TCF12: variants seen among roughly 807,000 people sequenced by gnomAD.
TCF12 encodes the protein transcription factor 12, also known as DNA-binding protein HTF4.
TCF12 carries 45 observed loss-of-function variants against 86.0 expected under a neutral mutation model. That is an observed-to-expected ratio of 0.52 (90% CI 0.41 to 0.67). TCF12 has a LOEUF of 0.67. Among genes scored for constraint, TCF12 ranks in the 30% least tolerant of loss-of-function variants. The pLI, the probability that TCF12 is intolerant of heterozygous loss-of-function variation, is 0.00. For missense variants in TCF12, 881 were observed against 859.9 expected (o/e 1.02, Z -0.31); for synonymous variants, 330 against 299.6 (o/e 1.10, Z -1.05).
intron 5 of TCF12, among the ~76,000 whole-genome samples, chr15:57,136,958 GTTTTTTTTTTTGTTTTT>G (rs532193074): frequency 0.23 from 18,292 of 80,854 alleles, 2,911 homozygotes; most frequent in Admixed American, 0.4. Flanking sequence ...GCTTCTGGCA[GTTTTTTTTTTTGTTTTT>G]TTTTTTTTTT....
chr15:56,924,975 G>A (rs1036385478), intron 3 of TCF12, among the ~76,000 whole-genome samples: 4 of 152,152 alleles, frequency 2.6e-5, no homozygotes, highest in Non-Finnish European at 5.9e-5. Flanking sequence ...GAGGTGGGTG[G>A]ATCACATGAG....
intron 19 of TCF12, 30 bp downstream of exon 19, chr15:57,273,292 G>T: frequency 1.9e-6 from 3 of 1,603,190 alleles, no homozygotes; most frequent in Non-Finnish European, 2.6e-6. Flanking sequence ...ATGTATAACT[G>T]TTCTGCTTCA....
chr15:57,251,817 G>T (rs1325446881), intron 14 of TCF12, among the ~76,000 whole-genome samples: 1 of 152,136 alleles, frequency 6.6e-6, no homozygotes, highest in African/African-American at 2.4e-5. Context: ...TCATAATACT[G>T]TGTGTGGTTT....
intron 3 of TCF12, among the ~76,000 whole-genome samples, chr15:57,051,300 T>C (rs1455167165): frequency 6.6e-6 from 1 of 152,196 alleles, no homozygotes; most frequent in African/African-American, 2.4e-5. Context: ...TGCTTTTAGT[T>C]GGGATTCTTG....
intron 5 of TCF12, among the ~76,000 whole-genome samples, chr15:57,153,228 A>T (rs371392848): frequency 1.1e-4 from 16 of 152,214 alleles, no homozygotes; most frequent in Admixed American, 1.0e-3. Flanking sequence ...AGAAACTTGG[A>T]TCTGCACCAA....
chr15:56,936,657 A>G (rs972286958), intron 3 of TCF12, among the ~76,000 whole-genome samples: 11 of 152,164 alleles, frequency 7.2e-5, no homozygotes, highest in South Asian at 2.1e-4. Context: ...ATTTTTGTAT[A>G]AGGTATGAGA....
intron 3 of TCF12, among the ~76,000 whole-genome samples, chr15:56,942,836 T>C (rs1174133311): frequency 2.6e-5 from 4 of 152,198 alleles, no homozygotes; most frequent in African/African-American, 9.6e-5. Context: ...TATGAACGTA[T>C]TATTTGCAGA....
At chr15:57,033,815 A>T (rs1208398637) in intron 3 of TCF12, among the ~76,000 whole-genome samples, 1 of 152,212 alleles carries the variant, frequency 6.6e-6, no homozygotes, top group Non-Finnish European at 1.5e-5. Flanking sequence ...GGGATTATAC[A>T]GGTCCAAAAG....
chr15:57,271,747 T>G (rs1050332785), intron 18 of TCF12, among the ~76,000 whole-genome samples: 41 of 152,352 alleles, frequency 2.7e-4, no homozygotes, highest in African/African-American at 9.6e-4. Context: ...GCAATGTATT[T>G]TTTTTAAGTA....
chr15:57,250,683 T>G (rs1837977434), intron 13 of TCF12, among the ~76,000 whole-genome samples: 1 of 150,224 alleles, frequency 6.7e-6, no homozygotes, highest in South Asian at 2.1e-4. Flanking sequence ...GAGTCAAGAT[T>G]GTACCAGTGC....
intron 16 of TCF12, among the ~76,000 whole-genome samples, chr15:57,259,123 T>A (rs978234706): frequency 6.6e-6 from 1 of 152,182 alleles, no homozygotes; most frequent in Non-Finnish European, 1.5e-5. Flanking sequence ...AGTGCTTTTT[T>A]AAGGGTTTTG....
intron 8 of TCF12, among the ~76,000 whole-genome samples, chr15:57,221,393 T>TGTGC (rs1307887461): frequency 6.6e-6 from 1 of 151,314 alleles, no homozygotes. Flanking sequence ...GGTGTGTGTG[T>TGTGC]GTGTGTGTGT....
chr15:57,157,737 ATT>A (rs1321103860), intron 5 of TCF12, among the ~76,000 whole-genome samples: 1 of 151,514 alleles, frequency 6.6e-6, no homozygotes, highest in Non-Finnish European at 1.5e-5. Flanking sequence ...TAATTTTTGT[ATT>A]TTTAGTAGAG....
chr15:56,989,217 C>A (rs927670925), intron 3 of TCF12, among the ~76,000 whole-genome samples: 12 of 152,042 alleles, frequency 7.9e-5, no homozygotes, highest in African/African-American at 2.9e-4. Flanking sequence ...ATTTTAAGTC[C>A]TGCAAGCAGA....
chr15:57,263,040 T>TTTTA lies in TCF12; in HGVS notation c.1583-69_1583-66dup, dbSNP rs141570247. ...AAGGATATTCACCAGCTAGAAAGCTTTTTATTGTCTTAGCTGTAATTCATA... is the reference window on the plus strand; with the variant it reads ...AAGGATATTCACCAGCTAGAAAGCTTTTTATTTATTGTCTTAGCTGTAATTCATA... On this transcript the variant is annotated intron_variant, in intron 17 of 20. Transcript: ENST00000333725. The TTTTA allele has an allele frequency of 0.012, 18,366 of 1,497,616 alleles. 1,092 individuals carry two copies. In the African/African-American group the frequency reaches 0.17, roughly 14 times the overall value. 92.8% of individuals were successfully genotyped at this position (1,497,616 alleles called of 1,614,324 possible).
At chr15:57,075,830 CTCTCTTTT>C (rs2069925276) in intron 4 of TCF12, among the ~76,000 whole-genome samples, 1 of 50,336 alleles carries the variant, frequency 2.0e-5, no homozygotes, top group Admixed American at 1.9e-4. Flanking sequence ...CTCTCTCTCT[CTCTCTTTT>C]CTTTCTTTCT....
At chr15:57,147,826 A>T (rs920422831) in intron 5 of TCF12, among the ~76,000 whole-genome samples, 13 of 152,090 alleles carry the variant, frequency 8.5e-5, no homozygotes, top group African/African-American at 3.1e-4. Context: ...GTGAGTTATA[A>T]TGGTTTTACC....
At chr15:57,227,827 A>T (rs1420865174) in intron 8 of TCF12, among the ~76,000 whole-genome samples, 2 of 152,110 alleles carry the variant, frequency 1.3e-5, no homozygotes, top group Non-Finnish European at 1.5e-5. Flanking sequence ...AATATCTACC[A>T]CATTTTAATA....
chr15:57,232,313 C>A lies in TCF12; in HGVS notation c.708C>A (p.Asp236Glu). ...FMQDGTHNSS[D>E]LWSSSNGMSQ... ...TAGATGGGACCCACAATTCTTCTGA[C>A]CTTTGGAGTTCATCAAATGGGATGA... is the stretch of plus-strand genomic sequence containing the variant. Residue 236 changes from aspartate (D) to glutamate (E), a missense_variant, in exon 10 of 21, where the codon GAC becomes GAA. Asp to Glu is a conservative substitution (Grantham distance 45). Transcript: ENST00000333725. The A allele has an allele frequency of 6.2e-7, 1 of 1,613,936 alleles. No individual in the cohort carries two copies.
Sources: allele counts gnomAD v4.1 joint callset (sites outside exome capture counted in the v4.1 genomes callset), GRCh38; gene constraint gnomAD v4.1.1; transcripts MANE v1.5; gene names NCBI Gene and HGNC (gene_info 2026-07-23, HGNC 2026-07-21).